PREX2: variants seen among roughly 807,000 people sequenced by gnomAD.
The protein encoded by PREX2 is phosphatidylinositol-3,4,5-trisphosphate dependent Rac exchange factor 2.
Under a neutral mutation model 203.2 loss-of-function variants are expected in PREX2, and 107 were observed. The ratio of observed to expected loss-of-function variants is 0.53; its 90% CI spans 0.45 to 0.62. The LOEUF is 0.62. Ranked by LOEUF, PREX2 falls within the 20% of genes least tolerant of loss-of-function variation. PREX2 has a pLI of 0.00. For synonymous variants in PREX2, 672 were observed against 663.6 expected, an observed-to-expected ratio of 1.01 and a Z score of -0.19; for missense variants, 1,777 against 1,955.9, an observed-to-expected ratio of 0.91 and a Z score of 1.72.
chr8:68,038,025 C>G (rs1171752166), intron 6 of PREX2, 134 bp from the exon 7 acceptor site: 7 of 892,912 alleles, frequency 7.8e-6, no homozygotes, highest in Non-Finnish European at 1.2e-5. Context: ...ATAACTATCT[C>G]TACTGCTTGC....
At chr8:68,037,579 C>T (rs1808070148) in intron 6 of PREX2, among the ~76,000 whole-genome samples, 1 of 152,146 alleles carries the variant, frequency 6.6e-6, no homozygotes, top group Admixed American at 6.5e-5. Context: ...TCTTGATGGG[C>T]ATGCTATAAA....
chr8:68,079,474 G>A (rs982078234), intron 15 of PREX2, among the ~76,000 whole-genome samples: 1 of 152,162 alleles, frequency 6.6e-6, no homozygotes, highest in Non-Finnish European at 1.5e-5. Flanking sequence ...TGAGGAAACT[G>A]AAACTCAGAG....
chr8:68,183,612 A>G (rs1812131950), intron 35 of PREX2, among the ~76,000 whole-genome samples: 1 of 152,110 alleles, frequency 6.6e-6, no homozygotes, highest in South Asian at 2.1e-4. Flanking sequence ...AGGAGAAGGA[A>G]TGTCACCTTA....
At chr8:68,104,659 A>G (rs1358214699) in intron 23 of PREX2, among the ~76,000 whole-genome samples, 1 of 152,126 alleles carries the variant, frequency 6.6e-6, no homozygotes, top group African/African-American at 2.4e-5. Context: ...ATCTATCAAC[A>G]TTACATAATT....
intron 11 of PREX2, among the ~76,000 whole-genome samples, chr8:68,062,338 T>A (rs915922834): frequency 2.0e-5 from 3 of 152,200 alleles, no homozygotes; most frequent in African/African-American, 7.2e-5. Context: ...AAAGCATCCT[T>A]CTGTTTATAA....
chr8:68,007,786 T>C (rs1389682017), intron 1 of PREX2, among the ~76,000 whole-genome samples: 1 of 152,172 alleles, frequency 6.6e-6, no homozygotes. Flanking sequence ...ATTTTTTGTA[T>C]TTTTAGTAGA....
intron 32 of PREX2, among the ~76,000 whole-genome samples, chr8:68,135,119 G>A (rs946579695): frequency 1.9e-4 from 29 of 152,074 alleles, no homozygotes; most frequent in Non-Finnish European, 8.8e-5. Flanking sequence ...GTGTGTGTGT[G>A]TGTGTGAATT....
chr8:68,108,745 G>A (rs926841022), intron 24 of PREX2, among the ~76,000 whole-genome samples: 32 of 151,956 alleles, frequency 2.1e-4, no homozygotes, highest in Admixed American at 2.0e-3. Context: ...AGCTCCCCAC[G>A]GGCTCTAATT....
At position 68,026,144 on chromosome 8, in the gene PREX2, G is replaced by C. The variant is rs1330861343; in HGVS notation, c.442-1078G>C. On this transcript the variant is annotated intron_variant, in intron 4 of 39. Coordinates refer to ENST00000288368, the MANE Select transcript of PREX2 (RefSeq NM_024870.4). ...CATGCTTGCGTAAGAGCATGCATTTGCTGCTATGCTTTCTGAGGTGTCTGG... is the reference window on the plus strand; with the variant it reads ...CATGCTTGCGTAAGAGCATGCATTTCCTGCTATGCTTTCTGAGGTGTCTGG... Among the ~76,000 whole-genome samples, 5 of 152,128 alleles carry C rather than the reference G, an allele frequency of 3.3e-5. No individual in the cohort carries two copies. In the East Asian group the frequency reaches 7.7e-4, roughly 24 times the overall value.
chr8:68,218,754 C>T (rs1563592603), intron 38 of PREX2, among the ~76,000 whole-genome samples: 1 of 152,212 alleles, frequency 6.6e-6, no homozygotes, highest in African/African-American at 2.4e-5. Flanking sequence ...GTCTGCAATG[C>T]GAAGATCAGG....
intron 33 of PREX2, among the ~76,000 whole-genome samples, chr8:68,143,478 A>G (rs1371490807): frequency 6.6e-6 from 1 of 152,198 alleles, no homozygotes; most frequent in Non-Finnish European, 1.5e-5. Flanking sequence ...CCATGAACCA[A>G]TTAAACCTCT....
At chr8:67,976,747 T>G (rs1325504556) in intron 1 of PREX2, among the ~76,000 whole-genome samples, 30 of 43,298 alleles carry the variant, frequency 6.9e-4, no homozygotes, top group East Asian at 2.1e-3. Context: ...GAGAGAGAGA[T>G]GCGAGAGAGA....
At chr8:68,151,402 G>T (rs1811431273) in intron 34 of PREX2, among the ~76,000 whole-genome samples, 1 of 152,118 alleles carries the variant, frequency 6.6e-6, no homozygotes, top group Non-Finnish European at 1.5e-5. Flanking sequence ...GGGCAACAGA[G>T]TGGGACCCTA....
intron 37 of PREX2, among the ~76,000 whole-genome samples, chr8:68,197,985 T>C (rs1401704591): frequency 1.3e-5 from 2 of 151,960 alleles, no homozygotes; most frequent in Non-Finnish European, 2.9e-5. Context: ...TATGTTACTG[T>C]TCAAATTTCA....
chr8:68,228,933 C>A lies in PREX2; in HGVS notation c.4776-2400C>A, dbSNP rs188980286. On this transcript the variant is annotated intron_variant, in intron 39 of 39. Coordinates refer to ENST00000288368, the MANE Select transcript of PREX2 (RefSeq NM_024870.4). ...CTCCAGCCTGGGAGACAGAGTGAGA[C>A]CTTGTCTCTTTAAAAAAAAAAAAAA... Among the ~76,000 whole-genome samples the A allele has an allele frequency of 4.6e-5, 6 of 130,132 alleles. No homozygotes were observed. The East Asian group carries it at 1.5e-3, about 33-fold the overall frequency. 85.4% of individuals were successfully genotyped at this position (130,132 alleles called of 152,430 possible).
chr8:68,034,927 T>C (rs903547283), intron 6 of PREX2, among the ~76,000 whole-genome samples: 2 of 152,112 alleles, frequency 1.3e-5, no homozygotes, highest in Non-Finnish European at 2.9e-5. Context: ...CATATAGTCT[T>C]TGTTATTTGA....
intron 37 of PREX2, among the ~76,000 whole-genome samples, chr8:68,210,304 T>A (rs1008439500): frequency 2.6e-5 from 4 of 152,218 alleles, no homozygotes; most frequent in Admixed American, 2.0e-4. Flanking sequence ...TGGCAAATTG[T>A]CATGACTACA....
intron 19 of PREX2, among the ~76,000 whole-genome samples, chr8:68,088,215 C>G (rs2129612128): frequency 6.6e-6 from 1 of 152,220 alleles, no homozygotes; most frequent in South Asian, 2.1e-4. Flanking sequence ...CCTTCGGGTA[C>G]TTTTATAAAC....
At chr8:68,074,419 A>G (rs1809288425) in intron 14 of PREX2, among the ~76,000 whole-genome samples, 1 of 152,180 alleles carries the variant, frequency 6.6e-6, no homozygotes. Flanking sequence ...CAAGTCACTC[A>G]ATCTCTATAG....
Sources: allele counts gnomAD v4.1 joint callset (sites outside exome capture counted in the v4.1 genomes callset), GRCh38; gene constraint gnomAD v4.1.1; transcripts MANE v1.5; gene names NCBI Gene and HGNC (gene_info 2026-07-23, HGNC 2026-07-21).